RASGRF1: variants seen among roughly 807,000 people sequenced by gnomAD.
RASGRF1 encodes the protein Ras protein specific guanine nucleotide releasing factor 1, also known as ras-specific guanine nucleotide-releasing factor 1.
In RASGRF1, 40 loss-of-function variants were observed where a neutral mutation model predicts 138.7. The ratio of observed to expected loss-of-function variants is 0.29; its 90% CI spans 0.22 to 0.38. The LOEUF is 0.38. Ranked by LOEUF, RASGRF1 falls within the 10% of genes least tolerant of loss-of-function variation. RASGRF1 has a pLI of 1.00. For missense variants in RASGRF1, 1,108 were observed against 1,650.4 expected (o/e 0.67, Z 5.69); for synonymous variants, 614 against 663.2 (o/e 0.93, Z 1.14).
At chr15:79,066,296 G>A (rs1310380213) in intron 1 of RASGRF1, among the ~76,000 whole-genome samples, 2 of 152,182 alleles carry the variant, frequency 1.3e-5, no homozygotes, top group African/African-American at 4.8e-5. Context: ...CCAAACAGCG[G>A]GAAAGCAGAG....
At chr15:79,047,121 T>G in intron 4 of RASGRF1, 122 bp from the exon 5 acceptor site, 1 of 1,234,378 alleles carries the variant, frequency 8.1e-7, no homozygotes, top group Non-Finnish European at 1.1e-6. Flanking sequence ...GCCGGGCATG[T>G]AGCAAAAAGA....
At chr15:79,000,535 G>C (rs1373711175) in intron 16 of RASGRF1, among the ~76,000 whole-genome samples, 1 of 152,178 alleles carries the variant, frequency 6.6e-6, no homozygotes, top group Non-Finnish European at 1.5e-5. Flanking sequence ...TAACATAGAT[G>C]AAAGTACTTT....
chr15:78,962,241 G>C lies in RASGRF1; in HGVS notation c.3682-5C>G, dbSNP rs1364598383. On this transcript the variant is annotated splice_region_variant and splice_polypyrimidine_tract_variant and intron_variant, in intron 26 of 26. Transcript: ENST00000558480. ...GTCCAGTAAATATTGCGTTACCTGA[G>C]AAAAGAAAAGAGAAAAGGGAATGGG... The C allele has an allele frequency of 6.6e-7, 1 of 1,524,058 alleles. No homozygotes were observed. Among genetic ancestry groups the C allele is most frequent in the Admixed American group, 1.8e-5 (1 of 54,764 alleles). The allele number at this position is 1,524,058 out of a possible 1,614,324, so 94.4% of individuals were successfully genotyped here. A position where few individuals can be genotyped will look rare whatever the true frequency, so the allele number is the denominator to read the frequency against.
chr15:79,076,665 G>T (rs2057837422), intron 1 of RASGRF1, among the ~76,000 whole-genome samples: 1 of 152,194 alleles, frequency 6.6e-6, no homozygotes, highest in African/African-American at 2.4e-5. Flanking sequence ...CAAGTGGTGG[G>T]GGCAAGGCTA....
chr15:79,012,889 G>A (rs865915707), intron 13 of RASGRF1, among the ~76,000 whole-genome samples: 7 of 152,124 alleles, frequency 4.6e-5, no homozygotes, highest in African/African-American at 7.2e-5. Context: ...CACCATGTTG[G>A]TCAGGCTGGT....
intron 13 of RASGRF1, among the ~76,000 whole-genome samples, chr15:79,007,086 G>A (rs1304861373): frequency 1.3e-5 from 2 of 152,220 alleles, no homozygotes; most frequent in Admixed American, 1.3e-4. Flanking sequence ...CTACCCAGGT[G>A]TCCATCAGCT....
chr15:79,035,222 A>G lies in RASGRF1; in HGVS notation c.879-12T>C, dbSNP rs2057201952. 1 of 1,608,702 alleles carries G rather than the reference A, an allele frequency of 6.2e-7. No homozygotes were observed. The highest frequency in any genetic ancestry group is 1.7e-5 in the Admixed American group (1 of 59,732). On this transcript the variant is annotated splice_polypyrimidine_tract_variant and intron_variant, in intron 5 of 26. Transcript: ENST00000558480. ...ACATGATGGTTTCGCTGAAAGAGAA[A>G]GCACAGGGTCAGCTCTGCCCCAGGG...
chr15:79,053,893 T>C (rs1388850325), intron 3 of RASGRF1, among the ~76,000 whole-genome samples: 1 of 152,218 alleles, frequency 6.6e-6, no homozygotes, highest in Non-Finnish European at 1.5e-5. Context: ...TGCTTAGCCC[T>C]GCAAATTACA....
chr15:78,966,716 AG>A (rs1197987380), intron 26 of RASGRF1, among the ~76,000 whole-genome samples: 1 of 152,136 alleles, frequency 6.6e-6, no homozygotes, highest in Non-Finnish European at 1.5e-5. Flanking sequence ...CTCAGCCACC[AG>A]GCCTGGCTCT....
At chr15:79,042,047 A>G (rs1419033941) in intron 5 of RASGRF1, among the ~76,000 whole-genome samples, 1 of 152,178 alleles carries the variant, frequency 6.6e-6, no homozygotes, top group Non-Finnish European at 1.5e-5. Flanking sequence ...GTTTTTATTA[A>G]AGGGAAATAG....
intron 13 of RASGRF1, among the ~76,000 whole-genome samples, chr15:79,011,693 C>T (rs2056797878): frequency 6.6e-6 from 1 of 152,224 alleles, no homozygotes; most frequent in African/African-American, 2.4e-5. Flanking sequence ...TTGGTTCAAA[C>T]TTCACTCCAT....
chr15:79,034,147 T>A (rs2057185377), intron 6 of RASGRF1, among the ~76,000 whole-genome samples: 1 of 152,250 alleles, frequency 6.6e-6, no homozygotes, highest in South Asian at 2.1e-4. Flanking sequence ...GCAAGGGAGC[T>A]CTGGAGAGCC....
Position 78,962,149 on chromosome 15 carries a change from TG to T in RASGRF1, c.3768del (p.Thr1257ProfsTer17). 1 of 1,560,080 alleles carries T rather than the reference TG, an allele frequency of 6.4e-7. No homozygotes were observed. The highest frequency in any genetic ancestry group is 1.4e-5 in the African/African-American group (1 of 73,696). On this transcript the variant is annotated frameshift_variant, in exon 27 of 27. Transcript: ENST00000558480. LOFTEE classifies it high-confidence loss of function. ...ESSLRIEPKL[P>X]T ...GGTCTGGGCTGGGCTCAGCTTCAGG[TG>T]GGGAGTTTTGGTTCTATTCGGAGAG...
intron 14 of RASGRF1, chr15:79,005,276 G>T (rs898117853): frequency 3.0e-6 from 3 of 985,668 alleles, no homozygotes; most frequent in African/African-American, 1.7e-5. Context: ...GGTGTGGATT[G>T]GGGGAGGAAT....
chr15:79,065,506 C>T (rs1326458756), intron 1 of RASGRF1, among the ~76,000 whole-genome samples: 1 of 151,584 alleles, frequency 6.6e-6, no homozygotes, highest in Non-Finnish European at 1.5e-5. Flanking sequence ...AGCAACTGGG[C>T]ATGTTGGGAG....
At chr15:78,965,761 T>G (rs4537980) in intron 26 of RASGRF1, among the ~76,000 whole-genome samples, 148,713 of 152,318 alleles carry the variant, frequency 0.98, 72,711 homozygotes, top group East Asian at 1. Flanking sequence ...TGAGGCTGGA[T>G]AATCACTTGA....
chr15:79,090,372 A>C lies in RASGRF1; in HGVS notation c.127T>G (p.Trp43Gly). The C allele has an allele frequency of 6.2e-7, 1 of 1,613,822 alleles. No individual in the cohort carries two copies. Among genetic ancestry groups the C allele is most frequent in the Non-Finnish European group, 8.5e-7 (1 of 1,179,976 alleles). Reference protein sequence around the residue: ...SSDNTKWQTKWFALLQNLLFY... With the variant: ...SSDNTKWQTKGFALLQNLLFY... ...AGCAGGTTCTGCAGCAGCGCGAACC[A>C]CTTGGTTTGCCATTTTGTGTTGTCC... Residue 43 changes from tryptophan to glycine, a missense_variant, in exon 1 of 27, where the codon TGG (tryptophan) becomes GGG (glycine). This residue lies in a region of RASGRF1 where 253 missense variants were observed against 329.5 expected (regional missense o/e 0.77). Coordinates refer to ENST00000558480, the MANE Select transcript of RASGRF1 (RefSeq NM_001145648.3).
intron 1 of RASGRF1, 51 bp from the exon 2 acceptor site, chr15:79,064,577 C>G (rs773613738): frequency 2.7e-5 from 42 of 1,538,200 alleles, no homozygotes; most frequent in East Asian, 9.0e-5. Context: ...ATGGGACCAA[C>G]AACGACTCTT....
At chr15:79,065,514 G>A (rs1264279587) in intron 1 of RASGRF1, among the ~76,000 whole-genome samples, 1 of 152,074 alleles carries the variant, frequency 6.6e-6, no homozygotes, top group African/African-American at 2.4e-5. Context: ...GGCATGTTGG[G>A]AGAGTCATAG....
Sources: gnomAD v4.1 joint callset for allele counts (sites outside exome capture counted in the v4.1 genomes callset) on GRCh38, gnomAD v4.1.1 for gene constraint, gnomAD v4.1.1 regional missense constraint, MANE v1.5 for transcripts, NCBI Gene and HGNC (gene_info 2026-07-23, HGNC 2026-07-21) for gene names.